FILIP1: variants seen among roughly 807,000 people sequenced by gnomAD.
FILIP1 encodes the protein filamin A interacting protein 1, also known as filamin-A-interacting protein 1.
A neutral mutation model predicts 102.1 loss-of-function variants in FILIP1; 61 were observed. The observed-to-expected ratio is 0.60, with a 90% CI of 0.49 to 0.74. FILIP1 has a LOEUF of 0.74. Ranked by LOEUF, FILIP1 falls within the 30% of genes least tolerant of loss-of-function variation. The pLI is 0.00. For synonymous variants in FILIP1, 491 were observed against 526.9 expected (o/e 0.93, Z 0.93); for missense variants, 1,314 against 1,441.2 (o/e 0.91, Z 1.43).
intron 1 of FILIP1, among the ~76,000 whole-genome samples, chr6:75,486,992 G>A (rs1779807293): frequency 1.3e-5 from 2 of 152,096 alleles, no homozygotes; most frequent in African/African-American, 4.8e-5. Context: ...GACCAATGCA[G>A]CTGACTTCCT....
chr6:75,341,742 A>G (rs1774426222), intron 4 of FILIP1, among the ~76,000 whole-genome samples: 1 of 152,172 alleles, frequency 6.6e-6, no homozygotes, highest in Non-Finnish European at 1.5e-5. Context: ...AATTGTTTGC[A>G]GCAGGTTTTC....
In FILIP1 at chr6:75,351,841, A is replaced by T. The variant is rs1357831385; in HGVS notation, c.629+1698T>A. On this transcript the variant is annotated intron_variant, in intron 4 of 5. Coordinates refer to ENST00000237172, the MANE Select transcript of FILIP1 (RefSeq NM_015687.5). Reference sequence around the variant, plus strand: ...ATACTCTCCTTAGAACCTTGTTTGCAGTATCTGTAGCTTGAGGTTGGAAAG... The same window carrying T: ...ATACTCTCCTTAGAACCTTGTTTGCTGTATCTGTAGCTTGAGGTTGGAAAG... Among the ~76,000 whole-genome samples, 2 of 152,240 alleles carry T rather than the reference A, an allele frequency of 1.3e-5. 1 individual carries two copies.
chr6:75,401,447 C>T (rs903992358), intron 2 of FILIP1, among the ~76,000 whole-genome samples: 1 of 152,162 alleles, frequency 6.6e-6, no homozygotes, highest in Non-Finnish European at 1.5e-5. Context: ...TATCCCTTTG[C>T]TTCATCCATG....
At chr6:75,303,369 T>C (rs1194056508), downstream of FILIP1, among the ~76,000 whole-genome samples, 1 of 152,156 alleles carries the variant, frequency 6.6e-6, no homozygotes, top group Non-Finnish European at 1.5e-5. Context: ...TGGCTCTTAA[T>C]AGAGATGTGG....
At chr6:75,411,489 G>T (rs978673253) in intron 2 of FILIP1, among the ~76,000 whole-genome samples, 1 of 152,148 alleles carries the variant, frequency 6.6e-6, no homozygotes, top group East Asian at 1.9e-4. Context: ...AGAAGTCTTT[G>T]CCCATGCCTA....
intron 1 of FILIP1, among the ~76,000 whole-genome samples, chr6:75,422,840 T>G (rs1440305348): frequency 6.6e-6 from 1 of 152,168 alleles, no homozygotes; most frequent in Non-Finnish European, 1.5e-5. Context: ...ATTTCTTGCT[T>G]TTTTTGCTAA....
chr6:75,356,276 G>A (rs1272764353), intron 3 of FILIP1, among the ~76,000 whole-genome samples: 1 of 152,110 alleles, frequency 6.6e-6, no homozygotes, highest in Non-Finnish European at 1.5e-5. Flanking sequence ...CATTGTGAGT[G>A]AATCATTCCT....
chr6:75,408,931 G>A (rs1465535718), intron 2 of FILIP1, among the ~76,000 whole-genome samples: 2 of 152,082 alleles, frequency 1.3e-5, no homozygotes, highest in Non-Finnish European at 2.9e-5. Context: ...CAGCTCACAT[G>A]GCCCTGTGGC....
At chr6:75,336,856 C>T (rs543454675) in intron 4 of FILIP1, among the ~76,000 whole-genome samples, 1 of 152,170 alleles carries the variant, frequency 6.6e-6, no homozygotes, top group African/African-American at 2.4e-5. Flanking sequence ...ATTAACACCC[C>T]CTTGGCTAAA....
chr6:75,487,970 A>G (rs1054278500), intron 1 of FILIP1, among the ~76,000 whole-genome samples: 1 of 151,828 alleles, frequency 6.6e-6, no homozygotes, highest in Non-Finnish European at 1.5e-5. Flanking sequence ...AACAGAAAAA[A>G]CCTTAAACCT....
chr6:75,425,866 G>T (rs1174063088), intron 1 of FILIP1, among the ~76,000 whole-genome samples: 1 of 151,882 alleles, frequency 6.6e-6, no homozygotes, highest in Non-Finnish European at 1.5e-5. Flanking sequence ...ATTAACTATT[G>T]GAGTCATCAA....
chr6:75,314,482 G>C lies in FILIP1; in HGVS notation c.1350C>G (p.Thr450=), dbSNP rs773696946. 1.9e-6 allele frequency: 3 copies of C among 1,603,634 alleles called. No individual in the cohort carries two copies. The African/African-American group carries it at 4.0e-5, about 22-fold the overall frequency. The change falls in exon 5 of 6, where the codon ACC becomes ACG. Residue 450 remains threonine (T), a synonymous_variant. Coordinates refer to ENST00000237172, the MANE Select transcript of FILIP1 (RefSeq NM_015687.5). ...EAFSKSKSEC[T]QLHLNLEKEK... Reference sequence around the variant, plus strand: ...CTTTCTCCAGATTTAAATGTAGCTGGGTGCACTCAGATTTACTCTTGCTAA... The same window carrying C: ...CTTTCTCCAGATTTAAATGTAGCTGCGTGCACTCAGATTTACTCTTGCTAA...
rs555113599 is a variant in FILIP1 at position 75,480,755 on chromosome 6, C to T, written c.-7+12659G>A. 1.3e-4 allele frequency among the ~76,000 whole-genome samples: 20 copies of T among 152,288 alleles called. No homozygotes were observed. In the South Asian group the frequency reaches 4.1e-3, roughly 32 times the overall value. On this transcript the variant is annotated intron_variant, in intron 1 of 5. Transcript: ENST00000237172. ...GTAGTCACTGTTTAGAAAAAATACT[C>T]AGCAATGTGGTTTGAGGGTCAGGAA...
In FILIP1 at chr6:75,312,672, T is replaced by C; in HGVS notation, c.3160A>G (p.Asn1054Asp). 1.2e-6 allele frequency: 2 copies of C among 1,614,204 alleles called. No individual in the cohort carries two copies. Among genetic ancestry groups the C allele is most frequent in the Non-Finnish European group, 1.7e-6 (2 of 1,180,042 alleles). Residue 1054 changes from asparagine to aspartate, a missense_variant, in exon 5 of 6, where the codon AAC becomes GAC. Asn to Asp is a conservative substitution (Grantham distance 23). This residue lies in a region of FILIP1 where 816 missense variants were observed against 913.1 expected (regional missense o/e 0.89). Coordinates refer to ENST00000237172, the MANE Select transcript of FILIP1 (RefSeq NM_015687.5). ...GTGGTTATGATATTGGCATTGGAGTTGTATTTCCGTACTGGAGTTGGAACA... is the reference window on the plus strand; with the variant it reads ...GTGGTTATGATATTGGCATTGGAGTCGTATTTCCGTACTGGAGTTGGAACA... ...QTVPTPVRKY[N>D]SNANIITTED...
Position 75,308,887 on chromosome 6 carries a change from T to C in FILIP1, c.3446A>G (p.Asp1149Gly), listed in dbSNP as rs1773082205. Residue 1149 changes from aspartate to glycine, a missense_variant, in exon 6 of 6, where the codon GAC (aspartate) becomes GGC (glycine). Asp to Gly is a moderately conservative substitution (Grantham distance 94, BLOSUM62 -1). Transcript: ENST00000237172. The stretch of plus-strand genomic sequence containing the variant: ...GGGTGTAGGCCGCTGGGATGACCCG[T>C]CTTGTCCTGACTGTAAGAGAGAAAA... Reference protein sequence around the residue: ...ARGTQSVSGQDGSSQRPTPTR... With the variant: ...ARGTQSVSGQGGSSQRPTPTR... The C allele has an allele frequency of 1.2e-6, 2 of 1,613,964 alleles. No homozygotes were observed. Among genetic ancestry groups the C allele is most frequent in the South Asian group, 1.1e-5 (1 of 91,080 alleles).
At chr6:75,469,459 C>T (rs1330590380) in intron 1 of FILIP1, among the ~76,000 whole-genome samples, 1 of 151,764 alleles carries the variant, frequency 6.6e-6, no homozygotes, top group African/African-American at 2.4e-5. Flanking sequence ...AAATATACTC[C>T]CCTCTCCCCT....
chr6:75,366,827 T>C (rs1019810999), intron 2 of FILIP1, among the ~76,000 whole-genome samples: 1 of 152,186 alleles, frequency 6.6e-6, no homozygotes, highest in Non-Finnish European at 1.5e-5. Context: ...CTTTTAGGAA[T>C]ATTTTTTTCA....
chr6:75,297,428 A>C (rs565866917), intron 6 of FILIP1, among the ~76,000 whole-genome samples: 1 of 152,282 alleles, frequency 6.6e-6, no homozygotes, highest in African/African-American at 2.4e-5. Context: ...TTTTGGCTTG[A>C]ATTTGAGGTA....
intron 4 of FILIP1, chr6:75,319,128 T>A (rs902131125): frequency 2.7e-6 from 2 of 727,468 alleles, no homozygotes; most frequent in African/African-American, 3.5e-5. Flanking sequence ...TCTTGCTTTT[T>A]TCAGACTTGA....
Sources: gnomAD v4.1 joint callset for allele counts (sites outside exome capture counted in the v4.1 genomes callset) on GRCh38, gnomAD v4.1.1 for gene constraint, gnomAD v4.1.1 regional missense constraint, MANE v1.5 for transcripts, NCBI Gene and HGNC (gene_info 2026-07-23, HGNC 2026-07-21) for gene names.